CUX1: variants seen among roughly 807,000 people sequenced by gnomAD.
CUX1 encodes cut like homeobox 1.
CUX1 carries 31 observed loss-of-function variants against 158.8 expected under a neutral mutation model. The ratio of observed to expected loss-of-function variants is 0.20; its 90% confidence interval spans 0.15 to 0.26. The LOEUF (loss-of-function observed/expected upper bound fraction) is 0.26, where lower values mean the gene tolerates loss of function less well. Ranked by LOEUF, CUX1 falls within the 10% of genes least tolerant of loss-of-function variation. The probability of loss-of-function intolerance (pLI) is 1.00; values close to 1 mark genes in which losing one functional copy is unlikely to be tolerated. For synonymous variants in CUX1, 879 were observed against 862.1 expected (o/e 1.02, Z -0.34); for missense variants, 1,589 against 2,014.6 (o/e 0.79, Z 4.04).
At chr7:101,999,217 C>CTTT (rs3988167) in intron 2 of CUX1, among the ~76,000 whole-genome samples, 1,774 of 85,802 alleles carry the variant, frequency 0.021, 110 homozygotes, top group African/African-American at 0.056. Context: ...TTTTTTTTAC[C>CTTT]TTTTTTTTTT....
At chr7:102,179,319 AT>A (rs1390748274) in intron 11 of CUX1, among the ~76,000 whole-genome samples, 3 of 152,170 alleles carry the variant, frequency 2.0e-5, no homozygotes, top group Non-Finnish European at 4.4e-5. Flanking sequence ...AAGTGCTGAG[AT>A]TACAGGTCTG....
chr7:102,260,635 G>A (rs1301098973), downstream of CUX1, among the ~76,000 whole-genome samples: 3 of 131,832 alleles, frequency 2.3e-5, no homozygotes, highest in Non-Finnish European at 4.7e-5. Context: ...TGTTGGCCAG[G>A]CTGATCTCGA....
intron 2 of CUX1, among the ~76,000 whole-genome samples, chr7:102,003,295 A>AACACACACACACACACACACACACAC (rs56760446): frequency 3.0e-4 from 40 of 131,964 alleles, no homozygotes; most frequent in African/African-American, 1.1e-3. Context: ...CCTGGTGCCG[A>AACACACACACACACACACACACACAC]ACACACACAC....
intron 12 of CUX1, among the ~76,000 whole-genome samples, chr7:102,191,237 A>G (rs781842205): frequency 1.8e-4 from 28 of 151,968 alleles, no homozygotes; most frequent in Non-Finnish European, 3.4e-4. Flanking sequence ...TTGCTTGCTT[A>G]CTTATTTATT....
At chr7:102,172,564 A>G (rs562744415) in intron 10 of CUX1, among the ~76,000 whole-genome samples, 2 of 152,268 alleles carry the variant, frequency 1.3e-5, no homozygotes, top group South Asian at 2.1e-4. Flanking sequence ...TTTTTTATAT[A>G]GATGAAGAAA....
chr7:102,259,753 A>AAG (rs1157109193), downstream of CUX1, among the ~76,000 whole-genome samples: 3 of 27,550 alleles, frequency 1.1e-4, no homozygotes, highest in African/African-American at 1.4e-4. Context: ...AAAAAAAAAA[A>AAG]AAAAGAAAGA....
At chr7:102,117,638 G>A (rs1459689271) in intron 8 of CUX1, among the ~76,000 whole-genome samples, 1 of 152,180 alleles carries the variant, frequency 6.6e-6, no homozygotes, top group African/African-American at 2.4e-5. Context: ...CACCAGCCAG[G>A]GGAGCTGGGG....
intron 1 of CUX1, among the ~76,000 whole-genome samples, chr7:101,871,870 T>G (rs545601133): frequency 1.8e-4 from 27 of 151,920 alleles, no homozygotes; most frequent in African/African-American, 6.5e-4. Context: ...ATTAAAAAAT[T>G]GACTGGGCAT....
At chr7:102,176,034 C>T (rs1217261084) in intron 10 of CUX1, among the ~76,000 whole-genome samples, 2 of 152,242 alleles carry the variant, frequency 1.3e-5, no homozygotes, top group Non-Finnish European at 2.9e-5. Flanking sequence ...GGTAAATAAG[C>T]CGACAGGAGA....
Position 102,249,263 on chromosome 7 carries a change from C to G in CUX1, c.*221C>G. The G allele has an allele frequency of 9.4e-7, 1 of 1,061,068 alleles. No individual in the cohort carries two copies. Among genetic ancestry groups the G allele is most frequent in the Non-Finnish European group, 1.1e-6 (1 of 877,848 alleles). 65.7% of individuals were successfully genotyped at this position (1,061,068 alleles called of 1,614,324 possible). A position where few individuals can be genotyped will look rare whatever the true frequency, so the allele number is the denominator to read the frequency against. Reference sequence around the variant, plus strand: ...CGCGGCCCAGACCCACTCTGCGGCCCGGGCCGACCCTGCGGCCTCCACCAA... The same window carrying G: ...CGCGGCCCAGACCCACTCTGCGGCCGGGGCCGACCCTGCGGCCTCCACCAA... On this transcript the variant is annotated 3_prime_UTR_variant, in exon 24 of 24. Transcript: ENST00000292535.
exon 23 of CUX1, chr7:102,283,684 C>G (rs915713006): frequency 1.3e-5 from 2 of 153,370 alleles, no homozygotes; most frequent in African/African-American, 2.4e-5. Flanking sequence ...TCTATTACCC[C>G]CTCCCTGCCC....
At chr7:101,973,552 G>A (rs753764559) in intron 2 of CUX1, among the ~76,000 whole-genome samples, 7 of 151,948 alleles carry the variant, frequency 4.6e-5, no homozygotes, top group South Asian at 2.1e-4. Flanking sequence ...TTCATACTGC[G>A]TGCATTCAAT....
intron 2 of CUX1, among the ~76,000 whole-genome samples, chr7:102,017,864 C>T (rs1244400138): frequency 6.6e-6 from 1 of 152,126 alleles, no homozygotes; most frequent in Non-Finnish European, 1.5e-5. Flanking sequence ...CATGTGGTTC[C>T]TCTCTTTGAC....
intron 2 of CUX1, among the ~76,000 whole-genome samples, chr7:102,023,449 G>A (rs1040583185): frequency 2.0e-5 from 3 of 152,264 alleles, no homozygotes; most frequent in African/African-American, 7.2e-5. Flanking sequence ...GCTAACCGAC[G>A]ATGGAGAATT....
intron 4 of CUX1, among the ~76,000 whole-genome samples, chr7:102,077,155 C>A (rs921673462): frequency 6.6e-6 from 1 of 151,760 alleles, no homozygotes; most frequent in Non-Finnish European, 1.5e-5. Context: ...GTGAATCAAG[C>A]AGGACAGAGG....
At chr7:102,004,521 C>T (rs1389147451) in intron 2 of CUX1, among the ~76,000 whole-genome samples, 1 of 152,186 alleles carries the variant, frequency 6.6e-6, no homozygotes, top group Non-Finnish European at 1.5e-5. Flanking sequence ...TCACAATAAA[C>T]TTTCATTCCA....
intron 19 of CUX1, chr7:102,280,139 G>GAGGGGCTCACGTGA: frequency 6.4e-7 from 1 of 1,558,494 alleles, no homozygotes; most frequent in Non-Finnish European, 8.8e-7. Flanking sequence ...GCCCAGCCTG[G>GAGGGGCTCACGTGA]GCAGGGGAGG....
chr7:102,213,873 C>A (rs1030102012), intron 20 of CUX1, among the ~76,000 whole-genome samples: 51 of 152,200 alleles, frequency 3.4e-4, no homozygotes, highest in Admixed American at 1.2e-3. Context: ...TGGCTCACAC[C>A]TGTAATCCCA....
At chr7:102,151,986 C>A (rs986891875) in intron 8 of CUX1, among the ~76,000 whole-genome samples, 1 of 151,982 alleles carries the variant, frequency 6.6e-6, no homozygotes, top group African/African-American at 2.4e-5. Flanking sequence ...GCAGGAGGAT[C>A]GCTTCAGGCC....
Sources: allele counts gnomAD v4.1 joint callset (sites outside exome capture counted in the v4.1 genomes callset), GRCh38; gene constraint gnomAD v4.1.1; transcripts MANE v1.5; gene names NCBI Gene and HGNC (gene_info 2026-07-23, HGNC 2026-07-21).